AKT3: variants seen among roughly 807,000 people sequenced by gnomAD.
The protein encoded by AKT3 is RAC-gamma serine/threonine-protein kinase.
AKT3 carries 15 observed loss-of-function variants against 65.3 expected under a neutral mutation model. That is an observed-to-expected ratio of 0.23 (90% CI 0.15 to 0.35). AKT3 has a LOEUF of 0.35. Ranked by LOEUF, AKT3 falls within the 10% of genes least tolerant of loss-of-function variation. The probability of loss-of-function intolerance (pLI) is 1.00; values close to 1 mark genes in which losing one functional copy is unlikely to be tolerated. For synonymous variants in AKT3, 206 were observed against 183.8 expected, an observed-to-expected ratio of 1.12 and a Z score of -0.98; for missense variants, 243 against 576.5, an observed-to-expected ratio of 0.42 and a Z score of 5.92.
intron 10 of AKT3, among the ~76,000 whole-genome samples, chr1:243,554,890 C>T (rs1230143571): frequency 6.6e-6 from 1 of 151,800 alleles, no homozygotes; most frequent in Admixed American, 6.6e-5. Context: ...ACTGGCAATC[C>T]TTTATTTTTT....
At chr1:243,699,684 T>C (rs963091614) in intron 2 of AKT3, among the ~76,000 whole-genome samples, 1 of 151,636 alleles carries the variant, frequency 6.6e-6, no homozygotes, top group African/African-American at 2.4e-5. Flanking sequence ...GTACGCACCC[T>C]AATCCCAGGA....
At chr1:243,741,306 T>G (rs1688140828) in intron 2 of AKT3, among the ~76,000 whole-genome samples, 1 of 152,186 alleles carries the variant, frequency 6.6e-6, no homozygotes, top group Non-Finnish European at 1.5e-5. Flanking sequence ...ACCCAAAAAG[T>G]GACACTGAAT....
intron 3 of AKT3, among the ~76,000 whole-genome samples, chr1:243,682,629 T>C (rs1267435902): frequency 6.6e-6 from 1 of 152,180 alleles, no homozygotes; most frequent in Non-Finnish European, 1.5e-5. Flanking sequence ...TCATTTATTC[T>C]TTTTCCTCAT....
At chr1:243,709,143 G>A (rs1685990314) in intron 2 of AKT3, among the ~76,000 whole-genome samples, 2 of 150,986 alleles carry the variant, frequency 1.3e-5, no homozygotes, top group African/African-American at 4.9e-5. Flanking sequence ...ATAATCCAGT[G>A]GTATGATAGA....
chr1:243,842,613 C>T (rs1695313781), intron 2 of AKT3, among the ~76,000 whole-genome samples: 1 of 152,140 alleles, frequency 6.6e-6, no homozygotes, highest in Non-Finnish European at 1.5e-5. Flanking sequence ...AAATCCTTGT[C>T]CTCATTTGGC....
downstream of AKT3, among the ~76,000 whole-genome samples, chr1:243,499,233 A>C (rs1211741340): frequency 6.6e-6 from 1 of 152,168 alleles, no homozygotes; most frequent in African/African-American, 2.4e-5. Flanking sequence ...CTTCCAACAC[A>C]TGTGAGGTTT....
At chr1:243,790,844 G>A (rs530874552) in intron 2 of AKT3, among the ~76,000 whole-genome samples, 1 of 152,194 alleles carries the variant, frequency 6.6e-6, no homozygotes, top group East Asian at 1.9e-4. Flanking sequence ...GGTACAGCCA[G>A]TTGCTGGATC....
chr1:243,511,162 C>T (rs1669988267), intron 13 of AKT3, among the ~76,000 whole-genome samples: 2 of 152,252 alleles, frequency 1.3e-5, no homozygotes, highest in Admixed American at 1.3e-4. Context: ...ACAACTTAGC[C>T]TGGACATCGG....
chr1:243,598,063 T>C (rs1438157082), intron 8 of AKT3, among the ~76,000 whole-genome samples: 2 of 152,200 alleles, frequency 1.3e-5, no homozygotes, highest in African/African-American at 4.8e-5. Flanking sequence ...ATTTTTTTCT[T>C]GGCAAAGGCA....
At chr1:243,530,687 G>A (rs1196860962) in intron 12 of AKT3, among the ~76,000 whole-genome samples, 3 of 152,060 alleles carry the variant, frequency 2.0e-5, no homozygotes, top group Non-Finnish European at 4.4e-5. Flanking sequence ...CGGAATTGAA[G>A]GAAATTGAAA....
chr1:243,843,077 G>A (rs768388773), intron 2 of AKT3, 48 bp downstream of exon 2: 2 of 1,600,188 alleles, frequency 1.2e-6, no homozygotes, highest in African/African-American at 2.7e-5. Flanking sequence ...ACCACTCACT[G>A]CTAGCACTCT....
intron 3 of AKT3, among the ~76,000 whole-genome samples, chr1:243,689,855 G>A (rs959009800): frequency 2.6e-5 from 4 of 152,176 alleles, no homozygotes; most frequent in East Asian, 1.9e-4. Flanking sequence ...TGAGGTGGGA[G>A]GATCACTTAA....
chr1:243,631,082 T>C (rs1402121732), intron 6 of AKT3, among the ~76,000 whole-genome samples: 1 of 152,114 alleles, frequency 6.6e-6, no homozygotes, highest in Non-Finnish European at 1.5e-5. Context: ...CCAGTGCATA[T>C]AAGTTATGTT....
At chr1:243,803,954 G>A (rs555553815) in intron 2 of AKT3, among the ~76,000 whole-genome samples, 2 of 152,164 alleles carry the variant, frequency 1.3e-5, no homozygotes, top group East Asian at 1.9e-4. Flanking sequence ...CCGTGATGAC[G>A]TTGCCCTGAG....
chr1:243,845,918 G>A (rs1695501421), intron 1 of AKT3, among the ~76,000 whole-genome samples: 3 of 152,132 alleles, frequency 2.0e-5, no homozygotes, highest in South Asian at 2.1e-4. Flanking sequence ...GCTGTATAAG[G>A]TCACTTTAAT....
In AKT3 at chr1:243,515,334, T is replaced by G. The variant is rs556110264; in HGVS notation, c.1252-2908A>C. ...GGAGTGGAATGGCTGGGCCGTATGG[T>G]AGGTATACATTTGACTTTTCCAGAA... On this transcript the variant is annotated intron_variant, in intron 12 of 13. Coordinates refer to ENST00000673466, the MANE Select transcript of AKT3 (RefSeq NM_005465.7). 2.0e-5 allele frequency among the ~76,000 whole-genome samples: 3 copies of G among 152,156 alleles called. No individual in the cohort carries two copies. The South Asian group carries it at 6.2e-4, about 32-fold the overall frequency.
At chr1:243,558,799 T>C (rs1014566695) in intron 10 of AKT3, among the ~76,000 whole-genome samples, 2 of 152,118 alleles carry the variant, frequency 1.3e-5, no homozygotes, top group Admixed American at 1.3e-4. Flanking sequence ...CACATAAGCA[T>C]GTGAAAAATA....
chr1:243,664,402 C>T (rs963592388), intron 4 of AKT3, among the ~76,000 whole-genome samples: 1 of 151,500 alleles, frequency 6.6e-6, no homozygotes, highest in African/African-American at 2.4e-5. Context: ...GACAGGGTTT[C>T]ACCTTGTCAG....
upstream of AKT3, among the ~76,000 whole-genome samples, chr1:243,850,438 G>A (rs1343466779): frequency 6.6e-6 from 1 of 151,120 alleles, no homozygotes; most frequent in African/African-American, 2.4e-5. Context: ...GCGGGGGCCG[G>A]GTCACGCCGG....
Sources: allele counts gnomAD v4.1 joint callset (sites outside exome capture counted in the v4.1 genomes callset), GRCh38; gene constraint gnomAD v4.1.1; transcripts MANE v1.5; gene names NCBI Gene and HGNC (gene_info 2026-07-23, HGNC 2026-07-21).